RPSA2: variants seen among roughly 807,000 people sequenced by gnomAD.
RPSA2 encodes the protein ribosomal protein SA 2.
chr19:23,855,413 T>A, the RPSA2 span, among the ~76,000 whole-genome samples: 7 of 152,206 alleles, frequency 4.6e-5, no homozygotes, highest in Non-Finnish European at 8.8e-5. Context: ...AGTACAAGCA[T>A]CCTTGAATTC....
the RPSA2 span, among the ~76,000 whole-genome samples, chr19:23,764,016 T>G: frequency 6.6e-6 from 1 of 152,304 alleles, no homozygotes; most frequent in Non-Finnish European, 1.5e-5. Flanking sequence ...TAATTGCAGG[T>G]TTATGATTGG....
chr19:23,851,779 G>A, the RPSA2 span, among the ~76,000 whole-genome samples: 2 of 152,160 alleles, frequency 1.3e-5, no homozygotes, highest in Admixed American at 6.5e-5. Context: ...CTGATCTTTG[G>A]TCAGTCGAAG....
the RPSA2 span, among the ~76,000 whole-genome samples, chr19:23,864,494 AAC>A: frequency 4.9e-4 from 74 of 152,244 alleles, no homozygotes; most frequent in African/African-American, 1.7e-3. Context: ...GCAACACTAT[AAC>A]AGTGCAAATA....
chr19:23,773,003 C>T, the RPSA2 span, among the ~76,000 whole-genome samples: 3 of 152,032 alleles, frequency 2.0e-5, no homozygotes, highest in African/African-American at 4.8e-5. Context: ...GTGTACTAGC[C>T]GGGTTGCATT....
chr19:23,842,335 A>G, the RPSA2 span, among the ~76,000 whole-genome samples: 1 of 152,236 alleles, frequency 6.6e-6, no homozygotes, highest in Non-Finnish European at 1.5e-5. Flanking sequence ...AAACTATAGT[A>G]ATTACACTGG....
At chr19:23,761,755 C>A in the RPSA2 span, among the ~76,000 whole-genome samples, 1 of 151,654 alleles carries the variant, frequency 6.6e-6, no homozygotes, top group Non-Finnish European at 1.5e-5. Flanking sequence ...AATTAAATAT[C>A]CCCGTTAGTG....
At chr19:23,817,426 CAT>C in the RPSA2 span, among the ~76,000 whole-genome samples, 5 of 152,144 alleles carry the variant, frequency 3.3e-5, no homozygotes, top group African/African-American at 4.8e-5. Context: ...TATTTATTAA[CAT>C]ATTTATGCAG....
At chr19:23,804,755 C>T in the RPSA2 span, among the ~76,000 whole-genome samples, 1 of 152,138 alleles carries the variant, frequency 6.6e-6, no homozygotes, top group Non-Finnish European at 1.5e-5. Context: ...TTTATAAGCT[C>T]ATTAAAGCTT....
the RPSA2 span, among the ~76,000 whole-genome samples, chr19:23,790,953 CG>C: frequency 2.2e-4 from 34 of 152,234 alleles, no homozygotes; most frequent in African/African-American, 7.7e-4. Flanking sequence ...GGCTGACAGC[CG>C]GGCCCCCGGG....
At chr19:23,796,120 AT>A in the RPSA2 span, among the ~76,000 whole-genome samples, 1 of 152,136 alleles carries the variant, frequency 6.6e-6, no homozygotes. Flanking sequence ...TAAATAACTT[AT>A]TATTGTAAAG....
At chr19:23,768,983 A>C in the RPSA2 span, among the ~76,000 whole-genome samples, 1 of 152,078 alleles carries the variant, frequency 6.6e-6, no homozygotes, top group Non-Finnish European at 1.5e-5. Context: ...AGGTGATGTA[A>C]CTCTCCTCTT....
chr19:23,858,432 G>A, the RPSA2 span, among the ~76,000 whole-genome samples: 1 of 152,152 alleles, frequency 6.6e-6, no homozygotes, highest in Non-Finnish European at 1.5e-5. Flanking sequence ...ACTAGAGTTT[G>A]CTGTCTTGCT....
chr19:23,860,781 G>A, the RPSA2 span, among the ~76,000 whole-genome samples: 1 of 152,260 alleles, frequency 6.6e-6, no homozygotes, highest in African/African-American at 2.4e-5. Context: ...TGAGCTGGTA[G>A]CATGCATGAC....
At chr19:23,853,786 AC>A in the RPSA2 span, among the ~76,000 whole-genome samples, 1 of 152,160 alleles carries the variant, frequency 6.6e-6, no homozygotes, top group Non-Finnish European at 1.5e-5. Context: ...GCTGAATTGT[AC>A]CCTTTTGACC....
chr19:23,867,691 G>T, the RPSA2 span, among the ~76,000 whole-genome samples: 7 of 152,096 alleles, frequency 4.6e-5, no homozygotes, highest in South Asian at 4.1e-4. Flanking sequence ...TTAGCCGGGC[G>T]TGGTGGCGGG....
the RPSA2 span, among the ~76,000 whole-genome samples, chr19:23,867,957 C>T: frequency 6.6e-6 from 1 of 152,026 alleles, no homozygotes; most frequent in Admixed American, 6.5e-5. Flanking sequence ...GATCAATGGC[C>T]CCTAACACAG....
At chr19:23,807,877 C>T in the RPSA2 span, 1 of 424,632 alleles carries the variant, frequency 2.4e-6, no homozygotes, top group Non-Finnish European at 4.7e-6. Context: ...GGAGGAGTAG[C>T]AGTGCCTGGA....
chr19:23,782,573 C>G, the RPSA2 span: 1 of 152,154 alleles, frequency 6.6e-6, no homozygotes, highest in Non-Finnish European at 1.5e-5. Flanking sequence ...TAGAGAGTGA[C>G]TTATTGCTGG....
At chr19:23,810,925 C>A in the RPSA2 span, among the ~76,000 whole-genome samples, 1 of 151,796 alleles carries the variant, frequency 6.6e-6, no homozygotes, top group African/African-American at 2.4e-5. Context: ...GGCCTGCCTT[C>A]TAAACAGAAT....
Sources: gnomAD v4.1 joint callset for allele counts (sites outside exome capture counted in the v4.1 genomes callset) on GRCh38, gnomAD v4.1.1 for gene constraint, MANE v1.5 for transcripts, NCBI Gene and HGNC (gene_info 2026-07-23, HGNC 2026-07-21) for gene names.